The following ZBTB40 variants were observed in gnomAD, a reference collection of about 807,000 sequenced individuals.
ZBTB40 encodes zinc finger and BTB domain containing 40, also known as zinc finger and BTB domain-containing protein 40.
In ZBTB40, 60 loss-of-function variants were observed where a neutral mutation model predicts 117.5. The observed-to-expected ratio is 0.51, with a 90% CI of 0.41 to 0.63. The LOEUF is 0.63. Ranked by LOEUF, ZBTB40 falls within the 30% of genes least tolerant of loss-of-function variation. ZBTB40 has a pLI of 0.00. For missense variants in ZBTB40, 1,287 were observed against 1,498.5 expected, an observed-to-expected ratio of 0.86 and a Z score of 2.33; for synonymous variants, 525 against 577.1, an observed-to-expected ratio of 0.91 and a Z score of 1.29.
chr1:22,449,944 C>T (rs1191591802), upstream of ZBTB40, among the ~76,000 whole-genome samples: 2 of 110,712 alleles, frequency 1.8e-5, no homozygotes, highest in East Asian at 7.8e-4. Flanking sequence ...ATAAATATTT[C>T]TCTTTTTTTT....
At chr1:22,477,911 C>G (rs1273514800) in intron 1 of ZBTB40, among the ~76,000 whole-genome samples, 1 of 152,176 alleles carries the variant, frequency 6.6e-6, no homozygotes, top group Non-Finnish European at 1.5e-5. Flanking sequence ...TTCCCACCTA[C>G]TACTGGATTA....
intron 3 of ZBTB40, among the ~76,000 whole-genome samples, chr1:22,496,878 G>A (rs889074236): frequency 6.6e-6 from 1 of 152,238 alleles, no homozygotes; most frequent in East Asian, 1.9e-4. Context: ...TAGGCCGTCT[G>A]TACCTTGAGG....
At chr1:22,506,305 A>G (rs182039769) in intron 6 of ZBTB40, 64 bp downstream of exon 6, 2 of 1,533,472 alleles carry the variant, frequency 1.3e-6, no homozygotes, top group Non-Finnish European at 1.8e-6. Context: ...AGCTTGAAAC[A>G]CCCTTTTGGC....
At chr1:22,519,297 A>G (rs994314598) in intron 13 of ZBTB40, among the ~76,000 whole-genome samples, 1 of 152,212 alleles carries the variant, frequency 6.6e-6, no homozygotes, top group African/African-American at 2.4e-5. Context: ...CATCACTACT[A>G]GTTTTATTGT....
intron 8 of ZBTB40, 90 bp downstream of exon 8, chr1:22,508,821 G>A: frequency 7.4e-7 from 1 of 1,345,470 alleles, no homozygotes; most frequent in Non-Finnish European, 1.0e-6. Context: ...CTTAACGGTA[G>A]TCACCTACAT....
At chr1:22,503,742 T>G (rs1346650481) in intron 5 of ZBTB40, among the ~76,000 whole-genome samples, 1 of 152,088 alleles carries the variant, frequency 6.6e-6, no homozygotes, top group Non-Finnish European at 1.5e-5. Context: ...TAAACTTCTG[T>G]TTTTTTTCTC....
intron 6 of ZBTB40, among the ~76,000 whole-genome samples, 189 bp downstream of exon 6, chr1:22,506,430 A>C (rs948882712): frequency 2.0e-4 from 31 of 151,590 alleles, no homozygotes; most frequent in African/African-American, 7.3e-4. Context: ...TCTGAGAGTG[A>C]CTCTTCTCGG....
intron 1 of ZBTB40, among the ~76,000 whole-genome samples, chr1:22,474,050 C>T (rs539865361): frequency 6.6e-6 from 1 of 152,278 alleles, no homozygotes; most frequent in East Asian, 1.9e-4. Flanking sequence ...GCTCACTAGA[C>T]AGCCTCCCAA....
chr1:22,526,028 T>G (rs1005625367), intron 17 of ZBTB40, among the ~76,000 whole-genome samples, 174 bp from the exon 18 acceptor site: 16 of 152,242 alleles, frequency 1.1e-4, no homozygotes, highest in African/African-American at 3.9e-4. Flanking sequence ...TTTGCTGGCC[T>G]TCTCTTTTGC....
intron 1 of ZBTB40, among the ~76,000 whole-genome samples, chr1:22,455,967 G>A (rs1640996001): frequency 6.6e-6 from 1 of 152,072 alleles, no homozygotes. Flanking sequence ...CTCGAGTACT[G>A]CCTGAACCAG....
chr1:22,463,602 A>G (rs1169678650), intron 1 of ZBTB40, among the ~76,000 whole-genome samples: 1 of 152,168 alleles, frequency 6.6e-6, no homozygotes, highest in African/African-American at 2.4e-5. Context: ...ATCCCTAATC[A>G]CTCATTAGAT....
At chr1:22,431,819 A>G (rs1640595374) in intron 1 of ZBTB40, among the ~76,000 whole-genome samples, 1 of 151,438 alleles carries the variant, frequency 6.6e-6, no homozygotes, top group South Asian at 2.1e-4. Flanking sequence ...TAAAATTTGT[A>G]TTTGATGGTA....
intron 3 of ZBTB40, among the ~76,000 whole-genome samples, chr1:22,496,120 G>A (rs1036202846): frequency 2.0e-5 from 3 of 152,180 alleles, no homozygotes; most frequent in Non-Finnish European, 2.9e-5. Flanking sequence ...GAGACACAGT[G>A]GATGATTTTG....
chr1:22,435,561 G>A (rs1640659360), intron 1 of ZBTB40, among the ~76,000 whole-genome samples: 1 of 151,940 alleles, frequency 6.6e-6, no homozygotes, highest in East Asian at 1.9e-4. Flanking sequence ...GGATTGTACA[G>A]AATAATACCT....
intron 1 of ZBTB40, among the ~76,000 whole-genome samples, chr1:22,429,438 A>T (rs1483476285): frequency 2.0e-5 from 3 of 149,702 alleles, no homozygotes; most frequent in Non-Finnish European, 4.5e-5. Flanking sequence ...ATTTGCCTAC[A>T]TTTTTTTTTT....
At chr1:22,484,364 A>G (rs916628121) in intron 1 of ZBTB40, among the ~76,000 whole-genome samples, 1 of 152,114 alleles carries the variant, frequency 6.6e-6, no homozygotes, top group African/African-American at 2.4e-5. Context: ...GATCTTGTAC[A>G]TATTTTGTTA....
intron 14 of ZBTB40, 149 bp from the exon 15 acceptor site, chr1:22,521,347 A>T: frequency 1.0e-6 from 1 of 1,002,832 alleles, no homozygotes; most frequent in Non-Finnish European, 1.5e-6. Context: ...GGCTTTCCTC[A>T]CATCAGCACC....
intron 12 of ZBTB40, among the ~76,000 whole-genome samples, chr1:22,515,725 A>G (rs1639357736): frequency 6.6e-6 from 1 of 152,206 alleles, no homozygotes; most frequent in Admixed American, 6.5e-5. Flanking sequence ...TCACATTCAC[A>G]AAGTCCTTTT....
intron 1 of ZBTB40, among the ~76,000 whole-genome samples, chr1:22,466,324 G>C (rs1641254137): frequency 1.3e-5 from 2 of 152,256 alleles, no homozygotes; most frequent in South Asian, 4.1e-4. Flanking sequence ...TTGGCCGTTA[G>C]GCTTAATGCT....
Sources: gnomAD v4.1 joint callset for allele counts (sites outside exome capture counted in the v4.1 genomes callset) on GRCh38, gnomAD v4.1.1 for gene constraint, MANE v1.5 for transcripts, NCBI Gene and HGNC (gene_info 2026-07-23, HGNC 2026-07-21) for gene names.